CELF2: variants seen among roughly 807,000 people sequenced by gnomAD.
CELF2 encodes the protein CUG triplet repeat RNA-binding protein 2.
A neutral mutation model predicts 62.6 loss-of-function variants in CELF2; 8 were observed. The ratio of observed to expected loss-of-function variants is 0.13; its 90% CI spans 0.07 to 0.23. CELF2 has a LOEUF of 0.23. Ranked by LOEUF, CELF2 falls within the 10% of genes least tolerant of loss-of-function variation. CELF2 has a pLI of 1.00. For missense variants in CELF2, 333 were observed against 671.0 expected (o/e 0.50, Z 5.56); for synonymous variants, 258 against 250.0 (o/e 1.03, Z -0.30).
chr10:11,313,715 C>CA (rs2094716446), intron 9 of CELF2, among the ~76,000 whole-genome samples: 1 of 149,920 alleles, frequency 6.7e-6, no homozygotes, highest in Non-Finnish European at 1.5e-5. Context: ...ATGAGGTTAG[C>CA]AAAACCTTGG....
At chr10:10,588,966 A>G in the CELF2 span, among the ~76,000 whole-genome samples, 1 of 152,120 alleles carries the variant, frequency 6.6e-6, no homozygotes, top group East Asian at 1.9e-4. Flanking sequence ...ACAAATCTCA[A>G]TTCATTTAGA....
intron 1 of CELF2, among the ~76,000 whole-genome samples, chr10:11,122,927 T>G: frequency 6.6e-6 from 1 of 152,204 alleles, no homozygotes; most frequent in East Asian, 1.9e-4. Flanking sequence ...GGAAGCTCCC[T>G]GGAGGAGGCA....
chr10:10,551,013 C>T, the CELF2 span, among the ~76,000 whole-genome samples: 976 of 152,280 alleles, frequency 6.4e-3, 14 homozygotes, highest in African/African-American at 0.023. Context: ...CTTCTTAATT[C>T]AGTCCAAATT....
In CELF2 at chr10:11,334,060, G is replaced by A. The variant is rs1238422014; in HGVS notation, c.*5007G>A. ...TCTTTTTTCCCTTTGCTTATATCTA[G>A]CATTAGAATTTTGTCTTAAAATAAC... On this transcript the variant is annotated 3_prime_UTR_variant, in exon 13 of 13. Transcript: ENST00000633077. 1 of 152,520 alleles carries A rather than the reference G, an allele frequency of 6.6e-6. No individual in the cohort carries two copies. Among genetic ancestry groups the A allele is most frequent in the Non-Finnish European group, 1.5e-5 (1 of 68,012 alleles). 9.4% of individuals were successfully genotyped at this position (152,520 alleles called of 1,614,324 possible).
At chr10:10,508,028 G>T in the CELF2 span, among the ~76,000 whole-genome samples, 1 of 152,104 alleles carries the variant, frequency 6.6e-6, no homozygotes, top group Non-Finnish European at 1.5e-5. Context: ...GCTACATAAG[G>T]TACCAGAGGA....
intron 3 of CELF2, among the ~76,000 whole-genome samples, chr10:11,235,095 G>A (rs960297855): frequency 1.3e-5 from 2 of 151,834 alleles, no homozygotes; most frequent in Non-Finnish European, 1.5e-5. Context: ...CAGACCTTAC[G>A]CTTCTGTGAT....
chr10:11,292,643 G>T (rs2092674516), intron 9 of CELF2, among the ~76,000 whole-genome samples: 1 of 152,334 alleles, frequency 6.6e-6, no homozygotes. Context: ...ATGGGAAAGA[G>T]TGGGGCAGGA....
chr10:10,727,222 A>G, the CELF2 span, among the ~76,000 whole-genome samples: 95 of 152,226 alleles, frequency 6.2e-4, no homozygotes, highest in Non-Finnish European at 4.4e-5. Context: ...ATTTCCCACC[A>G]TAAGTCAAAT....
the CELF2 span, among the ~76,000 whole-genome samples, chr10:10,614,641 A>C: frequency 6.6e-6 from 1 of 152,142 alleles, no homozygotes; most frequent in Non-Finnish European, 1.5e-5. Flanking sequence ...AAAATGAACA[A>C]GGTGCTAGGC....
At chr10:11,083,120 A>C (rs1271066651) in intron 1 of CELF2, among the ~76,000 whole-genome samples, 1 of 152,186 alleles carries the variant, frequency 6.6e-6, no homozygotes, top group East Asian at 1.9e-4. Flanking sequence ...TTGTTATCTT[A>C]TCCTGATTGG....
Position 11,110,120 on chromosome 10 carries a change from G to T in CELF2, c.75-55366G>T, listed in dbSNP as rs914448413. Among the ~76,000 whole-genome samples the T allele has an allele frequency of 2.0e-5, 3 of 152,092 alleles. No individual in the cohort carries two copies. Among genetic ancestry groups the T allele is most frequent in the Non-Finnish European group, 4.4e-5 (3 of 68,024 alleles). On this transcript the variant is annotated intron_variant, in intron 1 of 12. Coordinates refer to ENST00000633077, the MANE Select transcript of CELF2 (RefSeq NM_001326342.2). The surrounding 1 kb of genome is among the most constrained non-coding windows in gnomAD (Gnocchi z 4.0). ...CTAAAAATTTTTAAAAATTAGTTGGGCATGGTGGCATGCTCCTGTAGTCCC... is the reference window on the plus strand; with the variant it reads ...CTAAAAATTTTTAAAAATTAGTTGGTCATGGTGGCATGCTCCTGTAGTCCC...
At chr10:10,582,145 T>A in the CELF2 span, among the ~76,000 whole-genome samples, 1 of 152,196 alleles carries the variant, frequency 6.6e-6, no homozygotes, top group Non-Finnish European at 1.5e-5. Context: ...CTAAGGACCT[T>A]TTCCTATCAT....
the CELF2 span, among the ~76,000 whole-genome samples, chr10:10,671,101 G>T: frequency 6.7e-6 from 1 of 149,818 alleles, no homozygotes; most frequent in Non-Finnish European, 1.5e-5. Context: ...GGGAGATTGA[G>T]GCTGAAATGA....
At chr10:11,073,088 T>A (rs1476852797) in intron 1 of CELF2, among the ~76,000 whole-genome samples, 1 of 152,144 alleles carries the variant, frequency 6.6e-6, no homozygotes, top group East Asian at 1.9e-4. Flanking sequence ...AATGCTAATA[T>A]AATTATACCA....
chr10:10,835,622 A>ATC (rs2058226610), intron 1 of CELF2, among the ~76,000 whole-genome samples: 1 of 152,088 alleles, frequency 6.6e-6, no homozygotes, highest in Non-Finnish European at 1.5e-5. Flanking sequence ...ACCTCAGGTG[A>ATC]TCCACCCCCT....
At chr10:11,102,650 A>G (rs2052037712) in intron 1 of CELF2, among the ~76,000 whole-genome samples, 3 of 152,100 alleles carry the variant, frequency 2.0e-5, no homozygotes, top group African/African-American at 7.2e-5. Flanking sequence ...TGACTTTTAC[A>G]TCCTTATCTC....
intron 2 of CELF2, among the ~76,000 whole-genome samples, chr10:10,944,906 T>C (rs1195837649): frequency 1.3e-5 from 2 of 152,144 alleles, no homozygotes; most frequent in African/African-American, 4.8e-5. Context: ...TCCAGCCAGA[T>C]GTTTCTTAAA....
In CELF2 at chr10:11,243,358, T is replaced by G. The variant is rs950598995; in HGVS notation, c.355-5795T>G. ...CGTGCGGCTTTAGGCAAAATGTTAT[T>G]CAAAAAAAAAAAAAAAAAGCTTCTA... On this transcript the variant is annotated intron_variant, in intron 3 of 12. Coordinates refer to ENST00000633077, the MANE Select transcript of CELF2 (RefSeq NM_001326342.2). This position sits in a 1 kb window ranked among gnomAD's most constrained non-coding sequence, Gnocchi z 4.1. 1.0e-4 allele frequency among the ~76,000 whole-genome samples: 13 copies of G among 126,212 alleles called. No individual in the cohort carries two copies. Among genetic ancestry groups the G allele is most frequent in the African/African-American group, 4.2e-4 (13 of 31,104 alleles). The allele number at this position is 126,212 out of a possible 152,430, so 82.8% of individuals were successfully genotyped here.
chr10:10,593,761 A>T, the CELF2 span, among the ~76,000 whole-genome samples: 1 of 152,222 alleles, frequency 6.6e-6, no homozygotes, highest in Non-Finnish European at 1.5e-5. Flanking sequence ...TGATTCTGTA[A>T]TGAAAGCTCT....
Sources: allele counts gnomAD v4.1 joint callset (sites outside exome capture counted in the v4.1 genomes callset), GRCh38; gene constraint gnomAD v4.1.1; non-coding constraint Gnocchi (gnomAD v3.1); transcripts MANE v1.5; gene names NCBI Gene and HGNC (gene_info 2026-07-23, HGNC 2026-07-21).